ILDR1: variants seen among roughly 807,000 people sequenced by gnomAD.
The protein encoded by ILDR1 is immunoglobulin like domain containing receptor 1.
A neutral mutation model predicts 62.4 loss-of-function variants in ILDR1; 56 were observed. The ratio of observed to expected loss-of-function variants is 0.90; its 90% CI spans 0.72 to 1.12. ILDR1 has a LOEUF of 1.12. ILDR1 is among the 50% of genes most tolerant of loss of function. The pLI is 0.00. For missense variants in ILDR1, 736 were observed against 710.6 expected (o/e 1.04, Z -0.41); for synonymous variants, 284 against 277.8 (o/e 1.02, Z -0.22).
chr3:122,047,582 A>T, the ILDR1 span, among the ~76,000 whole-genome samples: 33 of 150,866 alleles, frequency 2.2e-4, no homozygotes, highest in African/African-American at 7.8e-4. Context: ...TGGGCGTAGG[A>T]CCCTCCGAGC....
chr3:122,047,170 ACCC>A, the ILDR1 span, among the ~76,000 whole-genome samples: 572 of 149,048 alleles, frequency 3.8e-3, 4 homozygotes, highest in Middle Eastern at 0.024. Context: ...CTGTTGGAAT[ACCC>A]TGCCGTGTGA....
intron 1 of ILDR1, among the ~76,000 whole-genome samples, chr3:122,015,890 C>T (rs2071769861): frequency 6.6e-6 from 1 of 152,194 alleles, no homozygotes; most frequent in African/African-American, 2.4e-5. Context: ...CTGTGCTTAC[C>T]TAGTACTGTA....
chr3:122,059,826 C>A, the ILDR1 span, among the ~76,000 whole-genome samples: 1 of 151,974 alleles, frequency 6.6e-6, no homozygotes, highest in Admixed American at 6.6e-5. Flanking sequence ...TAATCCAAGA[C>A]AATTGTTGTG....
chr3:122,026,713 A>G (rs1346887193), upstream of ILDR1, among the ~76,000 whole-genome samples: 17 of 150,774 alleles, frequency 1.1e-4, no homozygotes, highest in Admixed American at 1.1e-3. Flanking sequence ...AGAACAAAAC[A>G]ATCTGGAGTA....
chr3:122,001,906 G>C lies in ILDR1; in HGVS notation c.380-42C>G, dbSNP rs201760849. The C allele has an allele frequency of 6.4e-4, 1,029 of 1,610,368 alleles. 1 individual carries two copies. The highest frequency in any genetic ancestry group is 8.4e-4 in the Non-Finnish European group (995 of 1,178,836). ...GAGAAAGTGCCAGTGTCAGAGGAGAGAGCACTGGTTTCTAACCCATGACAC... is the reference window on the plus strand; with the variant it reads ...GAGAAAGTGCCAGTGTCAGAGGAGACAGCACTGGTTTCTAACCCATGACAC... On this transcript the variant is annotated intron_variant, in intron 3 of 7. Coordinates refer to ENST00000344209, the MANE Select transcript of ILDR1 (RefSeq NM_001199799.2).
At chr3:122,054,935 A>C in the ILDR1 span, among the ~76,000 whole-genome samples, 322 of 151,544 alleles carry the variant, frequency 2.1e-3, 5 homozygotes, top group South Asian at 0.025. Context: ...ACATCTCCCC[A>C]TCTCCCATCC....
At chr3:121,993,102 G>T (rs1576713897) in intron 7 of ILDR1, 48 bp downstream of exon 7, 3 of 1,418,716 alleles carry the variant, frequency 2.1e-6, no homozygotes, top group African/African-American at 2.8e-5. Flanking sequence ...CTGGCTGGAG[G>T]CTCCTCTCTG....
chr3:122,040,114 G>T, the ILDR1 span, among the ~76,000 whole-genome samples: 5 of 151,916 alleles, frequency 3.3e-5, no homozygotes, highest in African/African-American at 9.7e-5. Flanking sequence ...ATACATGAAA[G>T]ATTTTATAAT....
At chr3:122,050,545 T>C in the ILDR1 span, among the ~76,000 whole-genome samples, 4,060 of 142,408 alleles carry the variant, frequency 0.029, 201 homozygotes, top group African/African-American at 0.1. Flanking sequence ...TGCTTTTACT[T>C]CCCCCCCCCC....
At chr3:122,058,791 G>T in the ILDR1 span, among the ~76,000 whole-genome samples, 8 of 152,246 alleles carry the variant, frequency 5.3e-5, no homozygotes, top group African/African-American at 1.9e-4. Context: ...AATGAAAACT[G>T]ATTTGGAGTG....
rs1284834776 is a variant in ILDR1 at position 121,994,251 on chromosome 3, G to C, written c.709C>G (p.Pro237Ala). 8.5e-6 allele frequency: 13 copies of C among 1,535,986 alleles called. No individual in the cohort carries two copies. The Admixed American group carries it at 2.6e-4, about 30-fold the overall frequency. ...QALGPQMMGK[P>A]LYWGADRSSQ... ...CTCCTGTCCGCCCCCCAGTACAGGG[G>C]TTTTCCCATCATCTGAGGACCTAGG... is the stretch of plus-strand genomic sequence containing the variant. The change falls in exon 6 of 8, where the codon CCC becomes GCC. Residue 237 changes from proline to alanine, a missense_variant. Transcript: ENST00000344209.
chr3:122,047,599 T>C, the ILDR1 span, among the ~76,000 whole-genome samples: 19 of 152,198 alleles, frequency 1.2e-4, no homozygotes, highest in Non-Finnish European at 2.2e-4. Flanking sequence ...GAGCCAGGTG[T>C]GGGATATAAT....
the ILDR1 span, among the ~76,000 whole-genome samples, chr3:122,039,636 GA>G: frequency 1.3e-5 from 2 of 151,736 alleles, no homozygotes; most frequent in South Asian, 4.1e-4. Context: ...AATTTTAAAA[GA>G]AAAAAAGTTT....
the ILDR1 span, among the ~76,000 whole-genome samples, chr3:122,031,160 G>T: frequency 7.4e-4 from 112 of 152,212 alleles, no homozygotes; most frequent in African/African-American, 2.7e-3. Context: ...ATGAATCTCC[G>T]GACATTGCCA....
At chr3:122,024,236 T>C (rs1055258451), upstream of ILDR1, among the ~76,000 whole-genome samples, 3 of 152,230 alleles carry the variant, frequency 2.0e-5, no homozygotes, top group Non-Finnish European at 4.4e-5. Flanking sequence ...AGTGTTAATG[T>C]ACATTTGAAT....
upstream of ILDR1, among the ~76,000 whole-genome samples, chr3:122,026,546 G>T (rs556707699): frequency 4.9e-4 from 75 of 152,302 alleles, 1 homozygote; most frequent in African/African-American, 1.8e-3. Flanking sequence ...GACACATTGC[G>T]CTAGAGAGTA....
the ILDR1 span, among the ~76,000 whole-genome samples, chr3:122,050,577 T>C: frequency 6.9e-6 from 1 of 145,632 alleles, no homozygotes; most frequent in Non-Finnish European, 1.5e-5. Context: ...TGTCACAAAT[T>C]ATATTTTTAA....
chr3:122,038,122 G>A, the ILDR1 span, among the ~76,000 whole-genome samples: 1 of 152,114 alleles, frequency 6.6e-6, no homozygotes, highest in Non-Finnish European at 1.5e-5. Context: ...CCAGTCTCAG[G>A]TAGTTCTTTA....
intron 5 of ILDR1, among the ~76,000 whole-genome samples, chr3:121,998,649 AC>A (rs1280827097): frequency 1.3e-5 from 2 of 152,116 alleles, no homozygotes; most frequent in African/African-American, 4.8e-5. Flanking sequence ...TTAGTGCCCC[AC>A]GAACCTAGGG....
Sources: gnomAD v4.1 joint callset for allele counts (sites outside exome capture counted in the v4.1 genomes callset) on GRCh38, gnomAD v4.1.1 for gene constraint, MANE v1.5 for transcripts, NCBI Gene and HGNC (gene_info 2026-07-23, HGNC 2026-07-21) for gene names.